The following RCBTB2 variants were observed in gnomAD, a reference collection of about 807,000 sequenced individuals.
RCBTB2 encodes the protein RCC1 and BTB domain containing protein 2.
In RCBTB2, 55 loss-of-function variants were observed where a neutral mutation model predicts 65.4. That is an observed-to-expected ratio of 0.84 (90% CI 0.68 to 1.05). The LOEUF is 1.05. RCBTB2 is among the 50% of genes least tolerant of loss of function. The probability of loss-of-function intolerance (pLI) is 0.00; values close to 1 mark genes in which losing one functional copy is unlikely to be tolerated. For synonymous variants in RCBTB2, 220 were observed against 255.2 expected (o/e 0.86, Z 1.31); for missense variants, 599 against 680.1 (o/e 0.88, Z 1.33).
chr13:48,522,436 G>T, intron 2 of RCBTB2, 33 bp from the exon 3 acceptor site: 1 of 977,348 alleles, frequency 1.0e-6, no homozygotes, highest in Non-Finnish European at 1.5e-6. Flanking sequence ...GAATGAAAAT[G>T]ATGAAAAAAA....
intron 13 of RCBTB2, among the ~76,000 whole-genome samples, chr13:48,496,693 G>A (rs879556861): frequency 3.3e-5 from 5 of 150,244 alleles, no homozygotes; most frequent in South Asian, 2.1e-4. Flanking sequence ...AGTGCCCGCC[G>A]TGAAAAGAAA....
rs1951794233 is a variant in RCBTB2, at chr13:48,527,284, C to T, written c.-218-2527G>A. Among the ~76,000 whole-genome samples, 2 of 112,760 alleles carry T rather than the reference C, an allele frequency of 1.8e-5. 1 individual carries two copies. The highest frequency in any genetic ancestry group is 7.2e-5 in the African/African-American group (2 of 27,932). 74.0% of individuals were successfully genotyped at this position (112,760 alleles called of 152,430 possible). A position where few individuals can be genotyped will look rare whatever the true frequency, so the allele number is the denominator to read the frequency against. Reference sequence around the variant, plus strand: ...ACTATGTGTTACTTTATTAGTTTTTCCCTTATATGTTTGTTTTGGGATATA... The same window carrying T: ...ACTATGTGTTACTTTATTAGTTTTTTCCTTATATGTTTGTTTTGGGATATA... On this transcript the variant is annotated intron_variant, in intron 1 of 14. Coordinates refer to ENST00000344532, the MANE Select transcript of RCBTB2 (RefSeq NM_001268.4).
chr13:48,497,299 C>A (rs1441729380), intron 13 of RCBTB2, among the ~76,000 whole-genome samples: 3 of 152,148 alleles, frequency 2.0e-5, no homozygotes, highest in Non-Finnish European at 4.4e-5. Context: ...AAAACCCCAG[C>A]CCCAGGGTTT....
Position 48,522,016 on chromosome 13 carries a change from G to C in RCBTB2, c.-23-54C>G, listed in dbSNP as rs116493188. On this transcript the variant is annotated intron_variant, in intron 3 of 14. Coordinates refer to ENST00000344532, the MANE Select transcript of RCBTB2 (RefSeq NM_001268.4). ...GATCCCTTATGTTCGATGGAACCAG[G>C]CAGGTTAAAATTACTTTACTTCTAA... The C allele has an allele frequency of 8.0e-4, 1,193 of 1,482,590 alleles. 12 individuals are homozygous for C. The African/African-American group carries it at 0.015, about 19-fold the overall frequency. The allele number at this position is 1,482,590 out of a possible 1,614,324, so 91.8% of individuals were successfully genotyped here. A position where few individuals can be genotyped will look rare whatever the true frequency, so the allele number is the denominator to read the frequency against.
At chr13:48,493,264 T>TACACACACACACAC (rs1566253976) in intron 14 of RCBTB2, among the ~76,000 whole-genome samples, 1 of 88,074 alleles carries the variant, frequency 1.1e-5, no homozygotes, top group African/African-American at 1.1e-4. Flanking sequence ...CACACACTCT[T>TACACACACACACAC]CTCTCTCTCA....
intron 13 of RCBTB2, among the ~76,000 whole-genome samples, chr13:48,497,477 C>T (rs778636389): frequency 2.0e-5 from 3 of 152,242 alleles, no homozygotes; most frequent in Non-Finnish European, 4.4e-5. Context: ...TCTGAAAGAT[C>T]CTATTTGTTT....
intron 10 of RCBTB2, chr13:48,504,255 G>C: frequency 1.0e-6 from 1 of 985,250 alleles, no homozygotes; most frequent in Non-Finnish European, 1.2e-6. Flanking sequence ...CATCCTCTTG[G>C]AACACCGTTC....
Position 48,490,234 on chromosome 13 carries a change from G to A in RCBTB2, c.1533C>T (p.Cys511=), listed in dbSNP as rs1304300012. The change falls in exon 15 of 15, where the codon TGC becomes TGT. Residue 511 remains cysteine (C), a synonymous_variant. Transcript: ENST00000344532. ...TCAGATGGTTTATGCAAAACCTGAA[G>A]CAGAATTCTTCTAAATCCTAGGAAC... The part of the protein sequence containing the change: ...KYDAQDLEEF[C]FRFCINHLTV... 1 of 1,613,238 alleles carries A rather than the reference G, an allele frequency of 6.2e-7. No homozygotes were observed. Among genetic ancestry groups the A allele is most frequent in the African/African-American group, 1.3e-5 (1 of 74,882 alleles).
intron 4 of RCBTB2, among the ~76,000 whole-genome samples, chr13:48,519,815 AG>A (rs1162969551): frequency 6.6e-5 from 10 of 152,230 alleles, no homozygotes; most frequent in African/African-American, 2.4e-4. Flanking sequence ...TAAGTTTGTT[AG>A]GGCAACTATT....
At chr13:48,522,136 A>C (rs992102165) in intron 3 of RCBTB2, among the ~76,000 whole-genome samples, 172 bp downstream of exon 3, 7 of 152,198 alleles carry the variant, frequency 4.6e-5, no homozygotes, top group Non-Finnish European at 1.0e-4. Context: ...AAACTCCAAA[A>C]ATGTTTTAAC....
chr13:48,521,546 C>G (rs1271117424), intron 4 of RCBTB2, among the ~76,000 whole-genome samples: 1 of 152,164 alleles, frequency 6.6e-6, no homozygotes, highest in Non-Finnish European at 1.5e-5. Flanking sequence ...TAAGATCAGA[C>G]AGTTTATAAT....
chr13:48,496,573 T>A (rs1434838711), intron 13 of RCBTB2, among the ~76,000 whole-genome samples: 2 of 151,712 alleles, frequency 1.3e-5, no homozygotes, highest in African/African-American at 4.9e-5. Flanking sequence ...ATAGCTTTAA[T>A]ATTTTTTTCC....
At chr13:48,533,415 TAGA>T (rs963252279), upstream of RCBTB2, among the ~76,000 whole-genome samples, 3 of 152,214 alleles carry the variant, frequency 2.0e-5, no homozygotes, top group African/African-American at 7.2e-5. Context: ...ATACCCGACC[TAGA>T]AGGATAAGGC....
At chr13:48,530,713 C>T (rs1290607143) in intron 1 of RCBTB2, among the ~76,000 whole-genome samples, 1 of 152,248 alleles carries the variant, frequency 6.6e-6, no homozygotes, top group African/African-American at 2.4e-5. Context: ...TTTCTCAGCA[C>T]AATTTACATA....
intron 2 of RCBTB2, among the ~76,000 whole-genome samples, chr13:48,523,632 A>G (rs1467113297): frequency 6.6e-6 from 1 of 152,172 alleles, no homozygotes; most frequent in Non-Finnish European, 1.5e-5. Context: ...AATAAAAAAT[A>G]AAAGGAGAGG....
At chr13:48,500,235 C>T (rs1950172238) in intron 12 of RCBTB2, among the ~76,000 whole-genome samples, 2 of 152,178 alleles carry the variant, frequency 1.3e-5, no homozygotes, top group South Asian at 2.1e-4. Context: ...AGGGTGGGCC[C>T]TAATCCAATA....
intron 13 of RCBTB2, among the ~76,000 whole-genome samples, 155 bp downstream of exon 13, chr13:48,499,466 A>C (rs1336699896): frequency 1.1e-4 from 16 of 152,222 alleles, no homozygotes; most frequent in Admixed American, 1.0e-3. Flanking sequence ...CCTTTGTAAT[A>C]AAGTAGTAAC....
rs765944821 is a variant in RCBTB2 at position 48,490,090 on chromosome 13, A to G, written c.*21T>C. 12 of 1,613,518 alleles carry G rather than the reference A, an allele frequency of 7.4e-6. No homozygotes were observed. Among genetic ancestry groups the G allele is most frequent in the Non-Finnish European group, 1.0e-5 (12 of 1,179,742 alleles). ...TTTGCAGGGGAAATGGAAAGGCTCAAAAACTTTCCTGCAGATGGGATCAAT... is the reference window on the plus strand; with the variant it reads ...TTTGCAGGGGAAATGGAAAGGCTCAGAAACTTTCCTGCAGATGGGATCAAT... On this transcript the variant is annotated 3_prime_UTR_variant, in exon 15 of 15. Coordinates refer to ENST00000344532, the MANE Select transcript of RCBTB2 (RefSeq NM_001268.4).
At chr13:48,503,008 A>AG in intron 10 of RCBTB2, 94 bp from the exon 11 acceptor site, 1 of 1,311,480 alleles carries the variant, frequency 7.6e-7, no homozygotes, top group Non-Finnish European at 1.0e-6. Context: ...GTGGGACATC[A>AG]TAAAATTACA....
Sources: allele counts gnomAD v4.1 joint callset (sites outside exome capture counted in the v4.1 genomes callset), GRCh38; gene constraint gnomAD v4.1.1; transcripts MANE v1.5; gene names NCBI Gene and HGNC (gene_info 2026-07-23, HGNC 2026-07-21).